The following CDH12 variants were observed in gnomAD, a reference collection of about 807,000 sequenced individuals.
CDH12 encodes cadherin 12.
In CDH12, 41 loss-of-function variants were observed where a neutral mutation model predicts 74.1. The ratio of observed to expected loss-of-function variants is 0.55; its 90% CI spans 0.43 to 0.72. The LOEUF (loss-of-function observed/expected upper bound fraction) is 0.72. CDH12 is among the 30% of genes least tolerant of loss of function. The pLI is 0.00. For synonymous variants in CDH12, 399 were observed against 355.0 expected, an observed-to-expected ratio of 1.12 and a Z score of -1.39; for missense variants, 945 against 977.2, an observed-to-expected ratio of 0.97 and a Z score of 0.44.
chr5:22,136,759 A>G (rs1746488763), intron 4 of CDH12, among the ~76,000 whole-genome samples: 2 of 150,752 alleles, frequency 1.3e-5, no homozygotes, highest in Admixed American at 1.3e-4. Context: ...TGAGTATTGT[A>G]GCTCTAAAGT....
Position 22,277,317 on chromosome 5 carries a change from A to G in CDH12, c.-332-64674T>C, listed in dbSNP as rs1428956532. On this transcript the variant is annotated intron_variant, in intron 3 of 14. Coordinates refer to ENST00000382254, the MANE Select transcript of CDH12 (RefSeq NM_004061.5). ...TCAGCTAGTGTCTCTGCTGTCACCA[A>G]CCACTCGGGGCTAATACAAGACACT... is the stretch of plus-strand genomic sequence containing the variant. Among the ~76,000 whole-genome samples the G allele has an allele frequency of 2.0e-5, 3 of 152,014 alleles. No homozygotes were observed. In the East Asian group the frequency reaches 5.8e-4, roughly 29 times the overall value.
chr5:22,448,266 A>G (rs1744907599), intron 2 of CDH12, among the ~76,000 whole-genome samples: 1 of 151,978 alleles, frequency 6.6e-6, no homozygotes, highest in African/African-American at 2.4e-5. Flanking sequence ...GTTCAAATTA[A>G]ATTATTATAT....
intron 5 of CDH12, among the ~76,000 whole-genome samples, chr5:22,017,016 C>T (rs1207999404): frequency 6.6e-6 from 1 of 152,024 alleles, no homozygotes; most frequent in Non-Finnish European, 1.5e-5. Flanking sequence ...TCTTTGTCTC[C>T]ACTCTATGAC....
chr5:22,030,575 C>T (rs1738749786), intron 5 of CDH12, among the ~76,000 whole-genome samples: 1 of 152,124 alleles, frequency 6.6e-6, no homozygotes, highest in Non-Finnish European at 1.5e-5. Flanking sequence ...ATAGCACAGG[C>T]AAATTAGATT....
intron 1 of CDH12, among the ~76,000 whole-genome samples, chr5:22,654,178 CTTCTTTCTTTCTTTCTTTCTT>C (rs1561554386): frequency 6.8e-6 from 1 of 147,294 alleles, no homozygotes; most frequent in African/African-American, 2.5e-5. Flanking sequence ...TCCTTCCTTT[CTTCTTTCTTTCTTTCTTTCTT>C]TTCTTTCTTT....
At chr5:22,685,992 G>T (rs1478354835) in intron 1 of CDH12, among the ~76,000 whole-genome samples, 2 of 152,134 alleles carry the variant, frequency 1.3e-5, no homozygotes, top group African/African-American at 2.4e-5. Context: ...AAGCGGCAAG[G>T]TTATATTACA....
At chr5:22,275,063 G>A (rs1736568679) in intron 3 of CDH12, among the ~76,000 whole-genome samples, 1 of 152,032 alleles carries the variant, frequency 6.6e-6, no homozygotes, top group South Asian at 2.1e-4. Context: ...AATATGAGGT[G>A]GTAGCTCTTA....
chr5:21,781,637 T>C (rs1482305827), intron 11 of CDH12, among the ~76,000 whole-genome samples: 1 of 151,282 alleles, frequency 6.6e-6, no homozygotes, highest in African/African-American at 2.4e-5. Flanking sequence ...GGCAGGAGAA[T>C]CGCTTGAACC....
intron 3 of CDH12, chr5:22,278,068 T>C (rs2150404710): frequency 6.6e-6 from 1 of 152,246 alleles, no homozygotes; most frequent in Non-Finnish European, 1.5e-5. Flanking sequence ...TATACCTGAA[T>C]GAGAAGAAAG....
At chr5:22,517,393 T>C (rs1736856271) in intron 1 of CDH12, among the ~76,000 whole-genome samples, 1 of 152,156 alleles carries the variant, frequency 6.6e-6, no homozygotes, top group African/African-American at 2.4e-5. Flanking sequence ...ACTTTTATGT[T>C]TATCACTCTG....
At chr5:22,087,278 G>C (rs1743129192) in intron 4 of CDH12, among the ~76,000 whole-genome samples, 1 of 152,084 alleles carries the variant, frequency 6.6e-6, no homozygotes, top group Non-Finnish European at 1.5e-5. Flanking sequence ...CTCAGTTATG[G>C]CTAAAATAAG....
At chr5:22,566,516 G>T (rs998903475) in intron 1 of CDH12, among the ~76,000 whole-genome samples, 1 of 151,998 alleles carries the variant, frequency 6.6e-6, no homozygotes, top group Admixed American at 6.5e-5. Context: ...GGGATTACAG[G>T]TATGAGCCAC....
intron 2 of CDH12, among the ~76,000 whole-genome samples, chr5:22,485,268 A>C (rs1746541488): frequency 6.6e-6 from 1 of 152,088 alleles, no homozygotes; most frequent in South Asian, 2.1e-4. Context: ...TGGAACCTTC[A>C]ATTCCTGGGC....
At chr5:21,838,247 C>T (rs1749649572) in intron 8 of CDH12, among the ~76,000 whole-genome samples, 1 of 152,106 alleles carries the variant, frequency 6.6e-6, no homozygotes. Context: ...GTTCTTGACA[C>T]ATATGTAAAT....
intron 2 of CDH12, among the ~76,000 whole-genome samples, chr5:22,428,273 T>C (rs143988698): frequency 1.3e-5 from 2 of 151,984 alleles, no homozygotes; most frequent in Non-Finnish European, 2.9e-5. Context: ...TATATAGATA[T>C]CATATATCCA....
At chr5:22,280,698 C>A (rs193183193) in intron 3 of CDH12, among the ~76,000 whole-genome samples, 3,808 of 152,144 alleles carry the variant, frequency 0.025, 70 homozygotes, top group African/African-American at 0.051. Flanking sequence ...CTGAATAGAC[C>A]AATAACAGGC....
chr5:21,876,478 C>G (rs1224977352), intron 6 of CDH12, among the ~76,000 whole-genome samples: 1 of 152,150 alleles, frequency 6.6e-6, no homozygotes, highest in African/African-American at 2.4e-5. Context: ...TTAACTAGAC[C>G]AGGATAAATC....
intron 1 of CDH12, among the ~76,000 whole-genome samples, chr5:22,673,260 AT>A (rs1387015696): frequency 6.6e-6 from 1 of 152,188 alleles, no homozygotes; most frequent in Non-Finnish European, 1.5e-5. Context: ...AAACATGATT[AT>A]ATTGTTCCCA....
chr5:22,230,491 T>TG (rs1393693955), intron 3 of CDH12, among the ~76,000 whole-genome samples: 2 of 130,624 alleles, frequency 1.5e-5, no homozygotes, highest in Non-Finnish European at 3.2e-5. Context: ...TTTTTTTTTT[T>TG]GACAGAGTCT....
Sources: allele counts gnomAD v4.1 joint callset (sites outside exome capture counted in the v4.1 genomes callset), GRCh38; gene constraint gnomAD v4.1.1; transcripts MANE v1.5; gene names NCBI Gene and HGNC (gene_info 2026-07-23, HGNC 2026-07-21).